Variants in CDH9 observed in about 807,000 individuals in gnomAD.
The protein encoded by CDH9 is cadherin-9.
In CDH9, 28 loss-of-function variants were observed where a neutral mutation model predicts 70.9. The ratio of observed to expected loss-of-function variants is 0.40; its 90% confidence interval spans 0.29 to 0.54. The LOEUF is 0.54. Ranked by LOEUF, CDH9 falls within the 20% of genes least tolerant of loss-of-function variation. CDH9 has a pLI of 0.59. For missense variants in CDH9, 874 were observed against 984.4 expected, an observed-to-expected ratio of 0.89 and a Z score of 1.50; for synonymous variants, 409 against 343.1, an observed-to-expected ratio of 1.19 and a Z score of -2.12.
chr5:27,035,707 T>TGG (rs1246742823), intron 1 of CDH9, among the ~76,000 whole-genome samples: 4 of 149,572 alleles, frequency 2.7e-5, no homozygotes, highest in Admixed American at 6.7e-5. Flanking sequence ...TGTGTGTGTG[T>TGG]GTGGGTGTGT....
In CDH9 at chr5:27,038,452, A is replaced by G. The variant is rs1164085010; in HGVS notation, c.-50+11T>C. 1.3e-5 allele frequency: 2 copies of G among 152,048 alleles called. No individual in the cohort carries two copies. Among genetic ancestry groups the G allele is most frequent in the African/African-American group, 4.8e-5 (2 of 41,432 alleles). The allele number at this position is 152,048 out of a possible 1,614,324, so 9.4% of individuals were successfully genotyped here. A position where few individuals can be genotyped will look rare whatever the true frequency, so the allele number is the denominator to read the frequency against. ...TAGCTTACATTGTCAAGCAAAGTAAATAACACTTACCTTGCTTAACAATGG... is the reference window on the plus strand; with the variant it reads ...TAGCTTACATTGTCAAGCAAAGTAAGTAACACTTACCTTGCTTAACAATGG... On this transcript the variant is annotated intron_variant, in intron 1 of 11. Transcript: ENST00000231021.
intron 9 of CDH9, 43 bp downstream of exon 9, chr5:26,889,793 A>C (rs13190383): frequency 0.36 from 453,140 of 1,268,080 alleles, 83,307 homozygotes; most frequent in Middle Eastern, 0.48. Flanking sequence ...TGACTTTGTA[A>C]AGAGAAAATA....
intron 2 of CDH9, among the ~76,000 whole-genome samples, chr5:26,951,959 A>C (rs558723851): frequency 7.0e-6 from 1 of 142,660 alleles, no homozygotes; most frequent in African/African-American, 2.6e-5. Context: ...ATTTTATTTT[A>C]TTTTATTTTA....
intron 1 of CDH9, among the ~76,000 whole-genome samples, chr5:27,003,042 A>G (rs943675248): frequency 6.6e-6 from 1 of 152,166 alleles, no homozygotes; most frequent in African/African-American, 2.4e-5. Context: ...ATGCTTCAGA[A>G]CAGAAATGTT....
At chr5:26,954,503 G>T (rs1741909043) in intron 2 of CDH9, among the ~76,000 whole-genome samples, 1 of 147,172 alleles carries the variant, frequency 6.8e-6, no homozygotes, top group Non-Finnish European at 1.5e-5. Flanking sequence ...GCCTGCCTCA[G>T]CCTCCCGAGT....
At chr5:26,973,549 CAT>C (rs1414820957) in intron 2 of CDH9, among the ~76,000 whole-genome samples, 3 of 151,922 alleles carry the variant, frequency 2.0e-5, no homozygotes, top group Middle Eastern at 3.2e-3. Flanking sequence ...TTATTGCAAA[CAT>C]GTAATTATAT....
intron 2 of CDH9, among the ~76,000 whole-genome samples, chr5:26,985,436 T>C (rs907813665): frequency 1.2e-4 from 18 of 152,128 alleles, no homozygotes; most frequent in African/African-American, 4.3e-4. Context: ...AGACTAAATC[T>C]TATAAGTTGC....
intron 2 of CDH9, among the ~76,000 whole-genome samples, chr5:26,945,901 T>C (rs1408788982): frequency 6.6e-6 from 1 of 152,074 alleles, no homozygotes; most frequent in Non-Finnish European, 1.5e-5. Flanking sequence ...GAACAGGCTT[T>C]AGGAAGAAAG....
chr5:26,911,714 T>C (rs1418303296), intron 3 of CDH9, among the ~76,000 whole-genome samples: 2 of 152,126 alleles, frequency 1.3e-5, no homozygotes, highest in Non-Finnish European at 2.9e-5. Flanking sequence ...ATACAAAACA[T>C]TGTAATCAAA....
intron 11 of CDH9, among the ~76,000 whole-genome samples, 165 bp downstream of exon 11, chr5:26,885,448 AC>A (rs1007777140): frequency 3.3e-5 from 5 of 152,308 alleles, no homozygotes; most frequent in African/African-American, 1.2e-4. Context: ...GCCTATCCCC[AC>A]ACACAAAAAC....
Position 26,902,509 on chromosome 5 carries a change from G to T in CDH9, c.1220C>A (p.Ala407Glu). The T allele has an allele frequency of 6.2e-7, 1 of 1,604,930 alleles. No homozygotes were observed. The highest frequency in any genetic ancestry group is 8.5e-7 in the Non-Finnish European group (1 of 1,172,106). The change falls in exon 7 of 12, where the codon GCA becomes GAA. Residue 407 changes from alanine (A) to glutamate (E), a missense_variant. Coordinates refer to ENST00000231021, the MANE Select transcript of CDH9 (RefSeq NM_016279.4). ...ATTGTTCCTGGCATCTGGATCGTAT[G>T]CTGTAACCTGTCCAATGATACTGCC... ...KEGSIIGQVT[A>E]YDPDARNNLI...
At chr5:26,911,219 A>C (rs1741047573) in intron 3 of CDH9, among the ~76,000 whole-genome samples, 1 of 152,112 alleles carries the variant, frequency 6.6e-6, no homozygotes, top group Admixed American at 6.6e-5. Context: ...TACATGTGGG[A>C]TGTGGGCCTT....
chr5:26,984,984 AT>A (rs1279886013), intron 2 of CDH9, among the ~76,000 whole-genome samples: 1 of 152,000 alleles, frequency 6.6e-6, no homozygotes, highest in African/African-American at 2.4e-5. Flanking sequence ...ATCTTAACTC[AT>A]TTTCTTACTC....
chr5:26,885,720 A>T lies in CDH9; in HGVS notation c.1776T>A (p.Asp592Glu), dbSNP rs1283029544. ...TGCAGGATTGCATGTTTCCTTGATT[A>T]TCGCAGGCACACACACGGATAGTGA... ...GTLTIRVCAC[D>E]NQGNMQSCTA... The change falls in exon 11 of 12, where the codon GAT becomes GAA. Residue 592 changes from aspartate to glutamate, a missense_variant. Physicochemically the swap from Asp to Glu is conservative, Grantham distance 45. Coordinates refer to ENST00000231021, the MANE Select transcript of CDH9 (RefSeq NM_016279.4). 5 of 1,613,606 alleles carry T rather than the reference A, an allele frequency of 3.1e-6. No individual in the cohort carries two copies. The Admixed American group carries it at 8.4e-5, about 27-fold the overall frequency.
chr5:26,903,469 G>T, intron 6 of CDH9, 168 bp downstream of exon 6: 1 of 705,540 alleles, frequency 1.4e-6, no homozygotes, highest in Non-Finnish European at 2.6e-6. Context: ...CAATTATGAA[G>T]ACATTTAACT....
chr5:26,893,563 A>G (rs1186344747), intron 7 of CDH9, among the ~76,000 whole-genome samples: 1 of 152,212 alleles, frequency 6.6e-6, no homozygotes, highest in Non-Finnish European at 1.5e-5. Context: ...CTCATTTGAC[A>G]TATGATTGCT....
chr5:26,937,559 A>G (rs542813335), intron 2 of CDH9, among the ~76,000 whole-genome samples: 1 of 152,302 alleles, frequency 6.6e-6, no homozygotes, highest in South Asian at 2.1e-4. Flanking sequence ...AACTTTATGC[A>G]TAACTGGAAT....
In CDH9 at chr5:26,959,370, T is replaced by A. The variant is rs117161273; in HGVS notation, c.228+28736A>T. Among the ~76,000 whole-genome samples, 156 of 152,164 alleles carry A rather than the reference T, an allele frequency of 1.0e-3. 4 individuals are homozygous for A. The East Asian group carries it at 0.027, about 27-fold the overall frequency. ...TGGGAACTAGTAAGTCTAGGCAAGG[T>A]TGTAGAGAAATTGGAATACTCATAT... On this transcript the variant is annotated intron_variant, in intron 2 of 11. Transcript: ENST00000231021.
chr5:26,956,230 C>T (rs80162480), intron 2 of CDH9, among the ~76,000 whole-genome samples: 2,969 of 152,188 alleles, frequency 0.02, 97 homozygotes, highest in African/African-American at 0.067. Context: ...ATAAGTCTCA[C>T]GAGATCTGAA....
Sources: gnomAD v4.1 joint callset for allele counts (sites outside exome capture counted in the v4.1 genomes callset) on GRCh38, gnomAD v4.1.1 for gene constraint, MANE v1.5 for transcripts, NCBI Gene and HGNC (gene_info 2026-07-23, HGNC 2026-07-21) for gene names.